The following MDFIC2 variants were observed in gnomAD, a reference collection of about 807,000 sequenced individuals.
MDFIC2 encodes the protein MyoD family inhibitor domain containing 2.
chr3:70,212,021 T>C (rs547467594), intron 2 of MDFIC2, among the ~76,000 whole-genome samples: 65 of 152,116 alleles, frequency 4.3e-4, no homozygotes, highest in African/African-American at 1.6e-3. Flanking sequence ...CTTAAGACTT[T>C]GTCCTCTTAG....
chr3:70,226,974 G>A (rs1052760713), intron 2 of MDFIC2, among the ~76,000 whole-genome samples: 1 of 152,096 alleles, frequency 6.6e-6, no homozygotes, highest in African/African-American at 2.4e-5. Context: ...AGAGGCACTG[G>A]AGCAGTGGCT....
intron 2 of MDFIC2, among the ~76,000 whole-genome samples, chr3:70,236,404 G>A (rs1237797271): frequency 6.6e-6 from 1 of 151,856 alleles, no homozygotes; most frequent in Non-Finnish European, 1.5e-5. Flanking sequence ...ATTTGGAATG[G>A]CCTCTAAAGA....
At chr3:70,223,097 T>G (rs1701474727) in intron 2 of MDFIC2, among the ~76,000 whole-genome samples, 1 of 152,206 alleles carries the variant, frequency 6.6e-6, no homozygotes, top group Admixed American at 6.6e-5. Context: ...GCAAGTCTTA[T>G]GGCCAACCCT....
At chr3:70,208,948 G>A (rs1324944689) in intron 2 of MDFIC2, among the ~76,000 whole-genome samples, 1 of 151,960 alleles carries the variant, frequency 6.6e-6, no homozygotes, top group Non-Finnish European at 1.5e-5. Context: ...AACATCTGTC[G>A]TTGAAAGCAA....
chr3:70,289,669 C>T (rs1463690149), intron 2 of MDFIC2, among the ~76,000 whole-genome samples: 2 of 151,956 alleles, frequency 1.3e-5, no homozygotes, highest in South Asian at 2.1e-4. Context: ...CAACTTGGTT[C>T]CATTCTCCCC....
At chr3:70,276,671 T>C (rs1050283697) in intron 2 of MDFIC2, among the ~76,000 whole-genome samples, 2 of 152,240 alleles carry the variant, frequency 1.3e-5, no homozygotes, top group African/African-American at 4.8e-5. Flanking sequence ...GGTCTACATA[T>C]GGCCTACTGC....
At chr3:70,245,611 C>G (rs1000252893) in intron 2 of MDFIC2, among the ~76,000 whole-genome samples, 5 of 142,396 alleles carry the variant, frequency 3.5e-5, no homozygotes, top group Non-Finnish European at 7.6e-5. Flanking sequence ...AAATAAGTAA[C>G]TTTAATTTCT....
intron 2 of MDFIC2, among the ~76,000 whole-genome samples, chr3:70,297,487 A>G (rs1208640183): frequency 6.6e-6 from 1 of 152,140 alleles, no homozygotes; most frequent in African/African-American, 2.4e-5. Flanking sequence ...ACAAATTTAT[A>G]TAATCTCTGT....
intron 2 of MDFIC2, among the ~76,000 whole-genome samples, chr3:70,226,090 A>G (rs1259361134): frequency 6.6e-6 from 1 of 152,318 alleles, no homozygotes; most frequent in African/African-American, 2.4e-5. Flanking sequence ...ACAACAGTGG[A>G]TCACATCCCT....
chr3:70,283,391 G>T (rs558782267), intron 2 of MDFIC2, among the ~76,000 whole-genome samples: 1 of 152,226 alleles, frequency 6.6e-6, no homozygotes, highest in South Asian at 2.1e-4. Flanking sequence ...GATGGTTATT[G>T]TTCAGGCTGA....
intron 2 of MDFIC2, among the ~76,000 whole-genome samples, chr3:70,300,045 A>G (rs1287436255): frequency 6.6e-6 from 1 of 152,102 alleles, no homozygotes. Context: ...CTGCCTATTG[A>G]AACACTACCC....
intron 2 of MDFIC2, among the ~76,000 whole-genome samples, chr3:70,296,135 G>C (rs1320667726): frequency 6.6e-6 from 1 of 151,948 alleles, no homozygotes; most frequent in African/African-American, 2.4e-5. Context: ...TTTTTTATCA[G>C]TACATTTTCT....
At chr3:70,299,268 C>T (rs1263851617) in intron 2 of MDFIC2, among the ~76,000 whole-genome samples, 2 of 152,142 alleles carry the variant, frequency 1.3e-5, no homozygotes, top group African/African-American at 4.8e-5. Flanking sequence ...ATCATCAAAA[C>T]ATGCTATTAA....
At chr3:70,200,812 T>G (rs1701229779) in intron 3 of MDFIC2, among the ~76,000 whole-genome samples, 1 of 152,178 alleles carries the variant, frequency 6.6e-6, no homozygotes, top group Non-Finnish European at 1.5e-5. Flanking sequence ...AGGGATTGTT[T>G]CTGACTGTCC....
At chr3:70,199,147 CA>C (rs1701209887) in intron 3 of MDFIC2, among the ~76,000 whole-genome samples, 1 of 152,140 alleles carries the variant, frequency 6.6e-6, no homozygotes, top group African/African-American at 2.4e-5. Flanking sequence ...GTCCTTTATA[CA>C]TGCAAGGTTA....
At chr3:70,230,909 G>A (rs1256685995) in intron 2 of MDFIC2, among the ~76,000 whole-genome samples, 1 of 152,132 alleles carries the variant, frequency 6.6e-6, no homozygotes, top group Non-Finnish European at 1.5e-5. Context: ...TGTTGAAAAG[G>A]CAAACTTCCA....
intron 2 of MDFIC2, among the ~76,000 whole-genome samples, chr3:70,231,087 C>G (rs565430326): frequency 1.3e-5 from 2 of 152,174 alleles, no homozygotes; most frequent in Non-Finnish European, 2.9e-5. Flanking sequence ...CATAACAGCT[C>G]TATTGTTATC....
At chr3:70,293,044 G>GT (rs1702253707) in intron 2 of MDFIC2, among the ~76,000 whole-genome samples, 1 of 22,862 alleles carries the variant, frequency 4.4e-5, no homozygotes, top group Non-Finnish European at 8.4e-5. Context: ...GTGGTTTGAA[G>GT]CAAAAAAAAA....
At chr3:70,278,209 T>C (rs1194655055) in intron 2 of MDFIC2, among the ~76,000 whole-genome samples, 1 of 152,152 alleles carries the variant, frequency 6.6e-6, no homozygotes, top group African/African-American at 2.4e-5. Flanking sequence ...TATCTAACTT[T>C]ATTTGTCCAA....
Sources: gnomAD v4.1 joint callset for allele counts (sites outside exome capture counted in the v4.1 genomes callset) on GRCh38, gnomAD v4.1.1 for gene constraint, MANE v1.5 for transcripts, NCBI Gene and HGNC (gene_info 2026-07-23, HGNC 2026-07-21) for gene names.